MAST4: variants seen among roughly 807,000 people sequenced by gnomAD.
The protein encoded by MAST4 is microtubule associated serine/threonine kinase family member 4.
Under a neutral mutation model 162.7 loss-of-function variants are expected in MAST4, and 89 were observed. The observed-to-expected ratio is 0.55, with a 90% confidence interval of 0.46 to 0.65. MAST4 has a LOEUF of 0.65. Ranked by LOEUF, MAST4 falls within the 30% of genes least tolerant of loss-of-function variation. MAST4 has a pLI of 0.00. For missense variants in MAST4, 3,153 were observed against 3,374.0 expected (o/e 0.93, Z 1.62); for synonymous variants, 1,479 against 1,361.1 (o/e 1.09, Z -1.91).
At chr5:66,636,894 A>C (rs909713022) in intron 1 of MAST4, among the ~76,000 whole-genome samples, 3 of 152,194 alleles carry the variant, frequency 2.0e-5, no homozygotes, top group Admixed American at 6.5e-5. Flanking sequence ...TTAAACATGC[A>C]GATTATATTG....
chr5:66,807,000 C>G (rs757359885), intron 3 of MAST4, among the ~76,000 whole-genome samples: 2 of 152,198 alleles, frequency 1.3e-5, no homozygotes, highest in Admixed American at 1.3e-4. Flanking sequence ...TACCATGTCT[C>G]ACATCACTCT....
intron 3 of MAST4, among the ~76,000 whole-genome samples, chr5:66,798,682 C>T (rs1367406088): frequency 6.6e-6 from 1 of 152,134 alleles, no homozygotes; most frequent in Non-Finnish European, 1.5e-5. Context: ...GAATCTGTAA[C>T]CCTAAGAAAA....
intron 3 of MAST4, among the ~76,000 whole-genome samples, chr5:66,884,861 T>C (rs904709417): frequency 6.6e-6 from 1 of 152,220 alleles, no homozygotes; most frequent in East Asian, 1.9e-4. Flanking sequence ...TAATCTCTTC[T>C]GCTAAATTTT....
At chr5:67,126,538 A>C (rs1768253873) in intron 14 of MAST4, among the ~76,000 whole-genome samples, 1 of 152,182 alleles carries the variant, frequency 6.6e-6, no homozygotes, top group African/African-American at 2.4e-5. Flanking sequence ...AAGTTTGTCA[A>C]AGATCAGATG....
intron 4 of MAST4, among the ~76,000 whole-genome samples, chr5:66,916,357 C>A (rs570912475): frequency 6.6e-6 from 1 of 152,108 alleles, no homozygotes; most frequent in East Asian, 1.9e-4. Context: ...AAGCAAGTAG[C>A]CCCAAATGAA....
At chr5:67,142,354 C>A in intron 20 of MAST4, 67 bp from the exon 21 acceptor site, 3 of 1,512,500 alleles carry the variant, frequency 2.0e-6, no homozygotes, top group African/African-American at 2.8e-5. Context: ...TCCAGAAAAT[C>A]ATAATTAAAA....
intron 1 of MAST4, among the ~76,000 whole-genome samples, chr5:66,721,077 G>A (rs890521120): frequency 2.6e-5 from 4 of 152,178 alleles, no homozygotes; most frequent in South Asian, 2.1e-4. Flanking sequence ...ACCTCCTGGC[G>A]TTTCTCCCCA....
intron 4 of MAST4, among the ~76,000 whole-genome samples, chr5:66,922,996 G>T (rs1764642965): frequency 6.6e-6 from 1 of 152,170 alleles, no homozygotes. Flanking sequence ...GATCACATTT[G>T]TTAGGGACAC....
At chr5:66,760,510 G>A (rs76178400) in intron 2 of MAST4, among the ~76,000 whole-genome samples, 3,094 of 152,212 alleles carry the variant, frequency 0.02, 105 homozygotes, top group African/African-American at 0.069. Flanking sequence ...TGTTTCCCAT[G>A]CTCTTCCTAG....
At chr5:66,648,105 ATT>A (rs1390138617) in intron 1 of MAST4, among the ~76,000 whole-genome samples, 3 of 141,348 alleles carry the variant, frequency 2.1e-5, no homozygotes, top group Non-Finnish European at 3.1e-5. Flanking sequence ...AGAGAGAGAG[ATT>A]TAGTATTTCC....
Position 67,163,628 on chromosome 5 carries a change from G to C in MAST4, c.4449G>C (p.Glu1483Asp). 6.2e-7 allele frequency: 1 copy of C among 1,605,248 alleles called. No individual in the cohort carries two copies. Among genetic ancestry groups the C allele is most frequent in the Non-Finnish European group, 8.5e-7 (1 of 1,176,506 alleles). The part of the protein sequence containing the change: ...EEVQREQSQR[E>D]APLQSLDENV... ...TGCAGCGGGAGCAGTCCCAGCGGGAGGCGCCGCTGCAGAGCCTGGATGAGA... is the reference window on the plus strand; with the variant it reads ...TGCAGCGGGAGCAGTCCCAGCGGGACGCGCCGCTGCAGAGCCTGGATGAGA... The change falls in exon 29 of 29, where the codon GAG (glutamate) becomes GAC (aspartate). Residue 1483 changes from glutamate (E) to aspartate (D), a missense_variant. By Grantham distance (45) the Glu-to-Asp change is conservative (BLOSUM62 2). Around this residue, in one of 7 missense-constraint regions of MAST4, gnomAD observed 1,644 missense variants for 1,495.0 expected, o/e 1.10. Transcript: ENST00000403625. The surrounding 1 kb of genome is among the most constrained non-coding windows in gnomAD (Gnocchi z 7.0).
intron 4 of MAST4, among the ~76,000 whole-genome samples, chr5:66,935,613 T>C (rs1360892751): frequency 6.6e-6 from 1 of 152,092 alleles, no homozygotes; most frequent in Non-Finnish European, 1.5e-5. Context: ...ACCATTGTTC[T>C]AACTGTGCTC....
chr5:67,090,299 C>G, intron 6 of MAST4, 68 bp downstream of exon 6: 2 of 1,109,312 alleles, frequency 1.8e-6, no homozygotes, highest in Non-Finnish European at 2.7e-6. Flanking sequence ...CTCCCTCTCC[C>G]CACTTCTCCC....
intron 24 of MAST4, 138 bp from the exon 25 acceptor site, chr5:67,152,499 T>C: frequency 1.5e-6 from 1 of 675,432 alleles, no homozygotes; most frequent in Non-Finnish European, 2.6e-6. Flanking sequence ...TTATTTCATC[T>C]TCATTTTGCT....
intron 8 of MAST4, among the ~76,000 whole-genome samples, chr5:67,101,480 G>A (rs958808831): frequency 2.0e-5 from 3 of 152,142 alleles, no homozygotes; most frequent in African/African-American, 2.4e-5. Context: ...CCCAGAAGCC[G>A]GGCAACAGGT....
chr5:66,778,174 G>GT (rs1367397661), intron 2 of MAST4, among the ~76,000 whole-genome samples: 1 of 152,178 alleles, frequency 6.6e-6, no homozygotes, highest in Non-Finnish European at 1.5e-5. Flanking sequence ...TCTCATTAGT[G>GT]TAGACTCTAT....
chr5:66,657,418 C>T (rs534473056), intron 1 of MAST4, among the ~76,000 whole-genome samples: 12 of 152,136 alleles, frequency 7.9e-5, no homozygotes, highest in Non-Finnish European at 1.5e-4. Flanking sequence ...CTAATTGTAT[C>T]CTCATGGAAT....
chr5:67,078,955 A>AT, intron 5 of MAST4, among the ~76,000 whole-genome samples: 1 of 46,564 alleles, frequency 2.1e-5, no homozygotes, highest in African/African-American at 7.2e-5. Context: ...TATATATGGC[A>AT]ATCTGATGTT....
At chr5:66,726,581 A>C (rs2149547571) in intron 1 of MAST4, among the ~76,000 whole-genome samples, 1 of 152,144 alleles carries the variant, frequency 6.6e-6, no homozygotes, top group African/African-American at 2.4e-5. Flanking sequence ...GAAGGCCTTT[A>C]AGTTGGGGAC....
Sources: allele counts gnomAD v4.1 joint callset (sites outside exome capture counted in the v4.1 genomes callset), GRCh38; gene constraint gnomAD v4.1.1; regional missense constraint gnomAD v4.1.1; non-coding constraint Gnocchi (gnomAD v3.1); transcripts MANE v1.5; gene names NCBI Gene and HGNC (gene_info 2026-07-23, HGNC 2026-07-21).